Variants in RHCG observed in about 807,000 individuals in gnomAD.
The protein encoded by RHCG is Rh family C glycoprotein.
Under a neutral mutation model 55.3 loss-of-function variants are expected in RHCG, and 39 were observed. That is an observed-to-expected ratio of 0.70 (90% confidence interval 0.55 to 0.92). The LOEUF is 0.92. RHCG is among the 40% of genes least tolerant of loss of function. The pLI, the probability that RHCG is intolerant of heterozygous loss-of-function variation, is 0.00. For synonymous variants in RHCG, 250 were observed against 246.8 expected, an observed-to-expected ratio of 1.01 and a Z score of -0.12; for missense variants, 635 against 627.9, an observed-to-expected ratio of 1.01 and a Z score of -0.12.
At chr15:89,487,860 T>C (rs1415736066) in intron 1 of RHCG, among the ~76,000 whole-genome samples, 4 of 152,230 alleles carry the variant, frequency 2.6e-5, no homozygotes, top group African/African-American at 9.6e-5. Context: ...AATTCTGAGT[T>C]CTGACCCAAG....
rs761884034 is a variant in RHCG, at chr15:89,477,136, T to C, written c.1183A>G (p.Ile395Val). Residue 395 changes from isoleucine (I) to valine (V), a missense_variant, in exon 8 of 11, where the codon ATT becomes GTT. Transcript: ENST00000268122. This position sits in a 1 kb window ranked among gnomAD's most constrained non-coding sequence, Gnocchi z 4.5. ...WTARTQGKFQ[I>V]YGLLVTLAMA... ...GCCAGGGTCACCAAGAGACCATAAA[T>C]CTGGAACTTTCCCTGTGTTCTTGCG... 1.3e-5 allele frequency: 21 copies of C among 1,613,822 alleles called. No individual in the cohort carries two copies. The African/African-American group carries it at 2.3e-4, about 17-fold the overall frequency.
chr15:89,480,154 G>T, intron 4 of RHCG, 107 bp downstream of exon 4: 1 of 1,449,552 alleles, frequency 6.9e-7, no homozygotes. Context: ...GTCTGATCAT[G>T]GTGGCCTTCA....
At position 89,471,428 on chromosome 15, in the gene RHCG, T is replaced by C. The variant is rs1961033816; in HGVS notation, c.*452A>G. ...ACCATTTTACAAAGGACAACAAGAATGTTTATTCCTGGAGGCTGCCACGCA... is the reference window on the plus strand; with the variant it reads ...ACCATTTTACAAAGGACAACAAGAACGTTTATTCCTGGAGGCTGCCACGCA... On this transcript the variant is annotated 3_prime_UTR_variant, in exon 11 of 11. Coordinates refer to ENST00000268122, the MANE Select transcript of RHCG (RefSeq NM_016321.3). 1 of 152,352 alleles carries C rather than the reference T, an allele frequency of 6.6e-6. No homozygotes were observed. Among genetic ancestry groups the C allele is most frequent in the Non-Finnish European group, 1.5e-5 (1 of 68,166 alleles). The allele number at this position is 152,352 out of a possible 1,614,324, so 9.4% of individuals were successfully genotyped here. A position where few individuals can be genotyped will look rare whatever the true frequency, so the allele number is the denominator to read the frequency against.
chr15:89,486,597 A>AGAGAGAGAGAGTGT (rs1555461989), intron 2 of RHCG: 21 of 327,216 alleles, frequency 6.4e-5, no homozygotes, highest in East Asian at 1.8e-4. Context: ...AGAGAGAGAG[A>AGAGAGAGAGAGTGT]GAGTGTGTGT....
intron 2 of RHCG, among the ~76,000 whole-genome samples, chr15:89,485,741 C>T (rs1961347078): frequency 6.6e-6 from 1 of 152,058 alleles, no homozygotes; most frequent in Non-Finnish European, 1.5e-5. Flanking sequence ...AAATAAAAGT[C>T]TGTCTAAACT....
Position 89,472,777 on chromosome 15 carries a change from C to T in RHCG, c.1398G>A (p.Val466=), listed in dbSNP as rs201593954. The change falls in exon 10 of 11, where the codon GTG becomes GTA. Residue 466 remains valine, a synonymous_variant. Coordinates refer to ENST00000268122, the MANE Select transcript of RHCG (RefSeq NM_016321.3). ...CCGAGGAAGCCATGGGTAGTGGGGA[C>T]ACCATGGGTACTGAGGGTACTGAGG... ...SGPSVPSVPM[V]SPLPMASSVP... is the part of the protein sequence containing the mutation. 3.0e-5 allele frequency: 48 copies of T among 1,582,350 alleles called. No homozygotes were observed. The highest frequency in any genetic ancestry group is 4.0e-5 in the Non-Finnish European group (46 of 1,163,946).
At chr15:89,474,632 C>T (rs1182347329) in intron 9 of RHCG, among the ~76,000 whole-genome samples, 1 of 152,246 alleles carries the variant, frequency 6.6e-6, no homozygotes, top group Non-Finnish European at 1.5e-5. Flanking sequence ...CTGTGACATT[C>T]CACCACTTTC....
In RHCG at chr15:89,479,487, G is replaced by A. The variant is rs563259188; in HGVS notation, c.672C>T (p.Gly224=). The part of the protein sequence containing the change: ...VYQSDLFAMI[G]TLFLWMYWPS... ...GCCAGTACATCCACAGGAAGAGGGT[G>A]CCTGGTCAGACCAGACAGGCCCAAT... Residue 224 remains glycine (G), a splice_region_variant and synonymous_variant, in exon 5 of 11, where the codon GGC becomes GGT. Coordinates refer to ENST00000268122, the MANE Select transcript of RHCG (RefSeq NM_016321.3). 2 of 1,610,900 alleles carry A rather than the reference G, an allele frequency of 1.2e-6. 1 individual carries two copies. The highest frequency in any genetic ancestry group is 2.7e-5 in the African/African-American group (2 of 75,016).
At chr15:89,495,669 A>G (rs1216865695) in intron 1 of RHCG, among the ~76,000 whole-genome samples, 1 of 152,154 alleles carries the variant, frequency 6.6e-6, no homozygotes, top group East Asian at 1.9e-4. Flanking sequence ...AGAGCTTTAC[A>G]TGCACTTCCT....
chr15:89,478,622 A>T (rs1287624498), intron 5 of RHCG, among the ~76,000 whole-genome samples: 1 of 152,150 alleles, frequency 6.6e-6, no homozygotes, highest in African/African-American at 2.4e-5. Flanking sequence ...ACCCTATTCC[A>T]TGTCCCTTCC....
At chr15:89,480,801 G>A (rs1220997541) in intron 3 of RHCG, among the ~76,000 whole-genome samples, 1 of 152,244 alleles carries the variant, frequency 6.6e-6, no homozygotes, top group Admixed American at 6.5e-5. Context: ...ACCTGCTAGT[G>A]CCTTAGCAGG....
chr15:89,484,819 G>T (rs1250341181), intron 2 of RHCG, among the ~76,000 whole-genome samples: 2 of 150,732 alleles, frequency 1.3e-5, no homozygotes, highest in Non-Finnish European at 2.9e-5. Context: ...AGAACAGAAA[G>T]GCCCATCCCT....
intron 1 of RHCG, among the ~76,000 whole-genome samples, chr15:89,495,938 T>A (rs1036923555): frequency 6.6e-6 from 1 of 152,194 alleles, no homozygotes; most frequent in East Asian, 1.9e-4. Flanking sequence ...TGTCCTGGCC[T>A]CCTGGCCCAC....
intron 1 of RHCG, among the ~76,000 whole-genome samples, chr15:89,493,179 G>A (rs773554900): frequency 1.8e-4 from 28 of 152,122 alleles, no homozygotes; most frequent in Non-Finnish European, 3.2e-4. Flanking sequence ...CTCCGCCCTG[G>A]GTCATCTCCC....
intron 3 of RHCG, among the ~76,000 whole-genome samples, chr15:89,480,745 G>A (rs1596404373): frequency 6.6e-6 from 1 of 152,178 alleles, no homozygotes; most frequent in Admixed American, 6.5e-5. Flanking sequence ...TCACCCACTG[G>A]TTTCCACCTC....
chr15:89,486,938 T>A lies in RHCG; in HGVS notation c.232A>T (p.Met78Leu). 6.2e-7 allele frequency: 1 copy of A among 1,609,924 alleles called. No individual in the cohort carries two copies. Among genetic ancestry groups the A allele is most frequent in the Non-Finnish European group, 8.5e-7 (1 of 1,177,092 alleles). ...AAGCCGTAGCGCTGCAGGAAAGTCA[T>A]GAGGAAGCCGAAGCCCACGAAGACC... ...VMVFVGFGFL[M>L]TFLQRYGFSA... Residue 78 changes from methionine (M) to leucine (L), a missense_variant, in exon 2 of 11, where the codon ATG becomes TTG. Coordinates refer to ENST00000268122, the MANE Select transcript of RHCG (RefSeq NM_016321.3).
intron 1 of RHCG, among the ~76,000 whole-genome samples, chr15:89,495,974 A>G (rs7164075): frequency 0.4 from 60,986 of 152,090 alleles, 12,939 homozygotes; most frequent in African/African-American, 0.54. Context: ...ACCTCTGCCC[A>G]CAGCAGGGCT....
chr15:89,493,414 C>T (rs1336403688), intron 1 of RHCG, among the ~76,000 whole-genome samples: 1 of 152,256 alleles, frequency 6.6e-6, no homozygotes, highest in African/African-American at 2.4e-5. Context: ...GGCTCCATGC[C>T]TGCTACCTGC....
chr15:89,479,616 G>T, intron 4 of RHCG, 128 bp from the exon 5 acceptor site: 5 of 836,954 alleles, frequency 6.0e-6, no homozygotes, highest in Non-Finnish European at 9.1e-6. Context: ...CACCTCTGCA[G>T]CTTTAGTCAT....
Sources: allele counts gnomAD v4.1 joint callset (sites outside exome capture counted in the v4.1 genomes callset), GRCh38; gene constraint gnomAD v4.1.1; non-coding constraint Gnocchi (gnomAD v3.1); transcripts MANE v1.5; gene names NCBI Gene and HGNC (gene_info 2026-07-23, HGNC 2026-07-21).